The following DDI2 variants were observed in gnomAD, a reference collection of about 807,000 sequenced individuals.
DDI2 encodes the protein protein DDI1 homolog 2.
DDI2 carries 5 observed loss-of-function variants against 48.1 expected under a neutral mutation model. The ratio of observed to expected loss-of-function variants is 0.10; its 90% CI spans 0.05 to 0.22. DDI2 has a LOEUF of 0.22. DDI2 is among the 10% of genes least tolerant of loss of function. The probability of loss-of-function intolerance (pLI) is 1.00; values close to 1 mark genes in which losing one functional copy is unlikely to be tolerated. For synonymous variants in DDI2, 205 were observed against 183.6 expected, an observed-to-expected ratio of 1.12 and a Z score of -0.94; for missense variants, 285 against 506.2, an observed-to-expected ratio of 0.56 and a Z score of 4.19.
intron 6 of DDI2, among the ~76,000 whole-genome samples, chr1:15,649,215 T>C (rs536466844): frequency 3.2e-4 from 48 of 151,844 alleles, no homozygotes; most frequent in African/African-American, 9.2e-4. Flanking sequence ...AATGTAAAAA[T>C]TAGCTGGGCG....
chr1:15,648,310 A>G (rs562545850), intron 6 of DDI2, among the ~76,000 whole-genome samples: 11 of 152,318 alleles, frequency 7.2e-5, no homozygotes, highest in Non-Finnish European at 1.6e-4. Context: ...GGATTTTACA[A>G]CCGTGGCTAT....
chr1:15,617,860 C>A, intron 1 of DDI2, 52 bp downstream of exon 1: 1 of 1,481,336 alleles, frequency 6.8e-7, no homozygotes, highest in Non-Finnish European at 9.0e-7. Context: ...CTCCCCGCCT[C>A]GGGGCCTCAC....
Position 15,661,680 on chromosome 1 carries a change from A to G in DDI2, c.*1890A>G, listed in dbSNP as rs2148309336. Reference sequence around the variant, plus strand: ...GAGTTGGTGGGAATGCAGACCTTGCACTTCTTGTTTTGCTCGCAAAAAACA... The same window carrying G: ...GAGTTGGTGGGAATGCAGACCTTGCGCTTCTTGTTTTGCTCGCAAAAAACA... On this transcript the variant is annotated 3_prime_UTR_variant, in exon 10 of 10. Coordinates refer to ENST00000480945, the MANE Select transcript of DDI2 (RefSeq NM_032341.5). 1 of 1,613,532 alleles carries G rather than the reference A, an allele frequency of 6.2e-7. No individual in the cohort carries two copies. Among genetic ancestry groups the G allele is most frequent in the Non-Finnish European group, 8.5e-7 (1 of 1,179,596 alleles).
Position 15,660,218 on chromosome 1 carries a change from G to A in DDI2, c.*428G>A. The A allele has an allele frequency of 1.9e-6, 3 of 1,614,148 alleles. No homozygotes were observed. The highest frequency in any genetic ancestry group is 1.6e-4 in the Middle Eastern group (1 of 6,062). On this transcript the variant is annotated 3_prime_UTR_variant, in exon 10 of 10. Coordinates refer to ENST00000480945, the MANE Select transcript of DDI2 (RefSeq NM_032341.5). ...AATCTGGAGAAATCTGCTGAAAGAA[G>A]CACCCAGGGCCTCAAATTTCATCTC... is the stretch of plus-strand genomic sequence containing the variant.
chr1:15,643,137 C>T (rs571855339), intron 5 of DDI2, among the ~76,000 whole-genome samples: 151 of 152,058 alleles, frequency 9.9e-4, no homozygotes, highest in Non-Finnish European at 1.9e-3. Context: ...AGGAGGCTGA[C>T]GCAGGAGAAT....
chr1:15,619,032 A>G (rs574833861), intron 1 of DDI2, among the ~76,000 whole-genome samples: 2 of 152,370 alleles, frequency 1.3e-5, no homozygotes, highest in African/African-American at 4.8e-5. Flanking sequence ...ACAAAAGCTC[A>G]GGAACCAGTT....
chr1:15,661,967 C>T lies in DDI2; in HGVS notation c.*2177C>T. 1 of 412,780 alleles carries T rather than the reference C, an allele frequency of 2.4e-6. No individual in the cohort carries two copies. The highest frequency in any genetic ancestry group is 4.2e-6 in the Non-Finnish European group (1 of 239,588). 25.6% of individuals were successfully genotyped at this position (412,780 alleles called of 1,614,324 possible). ...TTTTTAAATGTATTGGCAGTATGTG[C>T]ATACAGAAGCTTTTTATTCTCATTA... On this transcript the variant is annotated 3_prime_UTR_variant, in exon 10 of 10. Transcript: ENST00000480945.
At chr1:15,649,399 G>A (rs1640143956) in intron 6 of DDI2, among the ~76,000 whole-genome samples, 2 of 145,022 alleles carry the variant, frequency 1.4e-5, no homozygotes, top group Admixed American at 6.9e-5. Flanking sequence ...AGCTGGACAC[G>A]GTGGCTCATA....
rs3766163 is a variant in DDI2, at chr1:15,660,052, T to C, written c.*262T>C. The stretch of plus-strand genomic sequence containing the variant: ...GAAGGCTTTGAAGGCTTCAGCTGAA[T>C]TCCAGCTAAACTCTGAAAAGAAAGA... On this transcript the variant is annotated 3_prime_UTR_variant, in exon 10 of 10. Transcript: ENST00000480945. The C allele has an allele frequency of 0.27, 442,884 of 1,613,676 alleles. 63,764 individuals carry two copies. Among genetic ancestry groups the C allele is most frequent in the African/African-American group, 0.43 (32,205 of 74,928 alleles).
At chr1:15,638,508 A>G in intron 5 of DDI2, 74 bp downstream of exon 5, 1 of 1,468,356 alleles carries the variant, frequency 6.8e-7, no homozygotes, top group Non-Finnish European at 9.4e-7. Flanking sequence ...GGGAGGCTCA[A>G]GCATCCGTTC....
chr1:15,633,683 A>G, intron 4 of DDI2, 118 bp downstream of exon 4: 1 of 1,469,290 alleles, frequency 6.8e-7, no homozygotes. Flanking sequence ...TGCAGTTGAG[A>G]TAGTAACCTC....
chr1:15,660,340 A>G lies in DDI2; in HGVS notation c.*550A>G, dbSNP rs746541935. On this transcript the variant is annotated 3_prime_UTR_variant, in exon 10 of 10. Coordinates refer to ENST00000480945, the MANE Select transcript of DDI2 (RefSeq NM_032341.5). Reference sequence around the variant, plus strand: ...AAAGGATTGGCATCCAGAAAATCAGAACCTGAGTCAAGTGAGTGACCCTCA... The same window carrying G: ...AAAGGATTGGCATCCAGAAAATCAGGACCTGAGTCAAGTGAGTGACCCTCA... The G allele has an allele frequency of 6.8e-6, 11 of 1,614,046 alleles. No homozygotes were observed. Among genetic ancestry groups the G allele is most frequent in the Non-Finnish European group, 8.5e-6 (10 of 1,180,034 alleles).
At chr1:15,648,849 A>C (rs1184242828) in intron 6 of DDI2, among the ~76,000 whole-genome samples, 2 of 151,490 alleles carry the variant, frequency 1.3e-5, no homozygotes, top group African/African-American at 2.4e-5. Context: ...AAAAAAAAAA[A>C]AAACAACCCT....
At chr1:15,638,013 GA>G (rs1639953757) in intron 4 of DDI2, among the ~76,000 whole-genome samples, 1 of 152,150 alleles carries the variant, frequency 6.6e-6, no homozygotes, top group Non-Finnish European at 1.5e-5. Flanking sequence ...CATTCTGCCA[GA>G]AAAATGGGGT....
At chr1:15,655,137 A>G (rs968002368) in intron 8 of DDI2, among the ~76,000 whole-genome samples, 1 of 152,336 alleles carries the variant, frequency 6.6e-6, no homozygotes, top group African/African-American at 2.4e-5. Context: ...CCAACTTCAA[A>G]GAATTAAAAA....
In DDI2 at chr1:15,659,981, G is replaced by A; in HGVS notation, c.*191G>A. On this transcript the variant is annotated 3_prime_UTR_variant, in exon 10 of 10. Transcript: ENST00000480945. ...GCTCGCTCTGTCTCTGCTTCAGTCT[G>A]CCCTATCAAGCCCAGTGACTCAGAT... The A allele has an allele frequency of 2.5e-6, 4 of 1,614,162 alleles. No individual in the cohort carries two copies. The highest frequency in any genetic ancestry group is 1.1e-5 in the South Asian group (1 of 91,072).
intron 4 of DDI2, among the ~76,000 whole-genome samples, chr1:15,634,845 A>G (rs903992077): frequency 1.3e-5 from 2 of 151,948 alleles, no homozygotes; most frequent in Non-Finnish European, 2.9e-5. Context: ...CCTTCTTCTC[A>G]ATTGATCTTC....
Position 15,661,003 on chromosome 1 carries a change from A to C in DDI2, c.*1213A>C. The C allele has an allele frequency of 6.2e-7, 1 of 1,614,078 alleles. No homozygotes were observed. Among genetic ancestry groups the C allele is most frequent in the Non-Finnish European group, 8.5e-7 (1 of 1,179,978 alleles). On this transcript the variant is annotated 3_prime_UTR_variant, in exon 10 of 10. Transcript: ENST00000480945. ...TTCAGAAAATACATCTGAAGAAGTA[A>C]TCTGTCAATCAGAAACCATAGCTGA...
At position 15,660,739 on chromosome 1, in the gene DDI2, A is replaced by G. The variant is rs115451047; in HGVS notation, c.*949A>G. ...AGATAATCCCTTGATGGAAGTAGAA[A>G]CATCAAAATGTAACCCTTCATCTGA... On this transcript the variant is annotated 3_prime_UTR_variant, in exon 10 of 10. Transcript: ENST00000480945. 3,165 of 1,613,890 alleles carry G rather than the reference A, an allele frequency of 2.0e-3. 4 individuals are homozygous for G. The highest frequency in any genetic ancestry group is 2.3e-3 in the Non-Finnish European group (2,686 of 1,179,962).
Sources: gnomAD v4.1 joint callset for allele counts (sites outside exome capture counted in the v4.1 genomes callset) on GRCh38, gnomAD v4.1.1 for gene constraint, MANE v1.5 for transcripts, NCBI Gene and HGNC (gene_info 2026-07-23, HGNC 2026-07-21) for gene names.